The following TACC1 variants were observed in gnomAD, a reference collection of about 807,000 sequenced individuals.
TACC1 encodes the protein transforming acidic coiled-coil containing protein 1.
TACC1 carries 48 observed loss-of-function variants against 84.4 expected under a neutral mutation model. The ratio of observed to expected loss-of-function variants is 0.57; its 90% CI spans 0.45 to 0.72. The LOEUF (loss-of-function observed/expected upper bound fraction) is 0.72. Ranked by LOEUF, TACC1 falls within the 30% of genes least tolerant of loss-of-function variation. The pLI, the probability that TACC1 is intolerant of heterozygous loss-of-function variation, is 0.00. For synonymous variants in TACC1, 372 were observed against 376.3 expected, an observed-to-expected ratio of 0.99 and a Z score of 0.13; for missense variants, 920 against 973.0, an observed-to-expected ratio of 0.95 and a Z score of 0.72.
chr8:38,789,430 C>T (rs2151996781), intron 2 of TACC1, among the ~76,000 whole-genome samples: 1 of 152,312 alleles, frequency 6.6e-6, no homozygotes, highest in Non-Finnish European at 1.5e-5. Flanking sequence ...TTTCACCTAT[C>T]CCAACAGAAT....
chr8:38,771,562 A>G (rs1167701254), intron 3 of TACC1, among the ~76,000 whole-genome samples: 1 of 152,144 alleles, frequency 6.6e-6, no homozygotes, highest in Non-Finnish European at 1.5e-5. Flanking sequence ...TTTCTGTGTA[A>G]GAGAGTGAGG....
At chr8:38,842,249 G>T (rs2152323754) in intron 9 of TACC1, 38 bp from the exon 10 acceptor site, 3 of 1,589,900 alleles carry the variant, frequency 1.9e-6, no homozygotes, top group South Asian at 2.3e-5. Flanking sequence ...TCTATTTTTT[G>T]AATAAATATG....
chr8:38,767,379 T>C (rs56185955), intron 3 of TACC1, among the ~76,000 whole-genome samples: 3 of 152,358 alleles, frequency 2.0e-5, no homozygotes, highest in Non-Finnish European at 4.4e-5. Flanking sequence ...GCCATAGTAA[T>C]GGCACTTGGG....
At chr8:38,773,617 GCTAT>G (rs140168479) in intron 3 of TACC1, among the ~76,000 whole-genome samples, 3,137 of 150,288 alleles carry the variant, frequency 0.021, 78 homozygotes, top group African/African-American at 0.07. Context: ...TATCTATCTA[GCTAT>G]CTATCTGTTG....
chr8:38,772,079 C>G (rs1308011226), intron 3 of TACC1, among the ~76,000 whole-genome samples: 1 of 151,976 alleles, frequency 6.6e-6, no homozygotes, highest in Non-Finnish European at 1.5e-5. Flanking sequence ...GGCAAGCAGG[C>G]AATGCTTCAA....
intron 2 of TACC1, among the ~76,000 whole-genome samples, chr8:38,812,386 T>C (rs548193506): frequency 4.5e-4 from 68 of 152,146 alleles, no homozygotes; most frequent in Non-Finnish European, 7.8e-4. Flanking sequence ...ATATGTGATG[T>C]CACCCCCGGC....
chr8:38,820,416 G>GCCCCA lies in TACC1; in HGVS notation c.1173_1177dup (p.Ser393ThrfsTer45). 1 of 1,614,158 alleles carries GCCCCA rather than the reference G, an allele frequency of 6.2e-7. No individual in the cohort carries two copies. Among genetic ancestry groups the GCCCCA allele is most frequent in the Non-Finnish European group, 8.5e-7 (1 of 1,180,024 alleles). ...AAGCCAGATCCTAGTCAGTGGGAAAGCCCCAGCTTCAACCCCTTTGGGAGC... is the reference window on the plus strand; with the variant it reads ...AAGCCAGATCCTAGTCAGTGGGAAAGCCCCACCCCAGCTTCAACCCCTTTGGGAGC... On this transcript the variant is annotated frameshift_variant, in exon 3 of 13. Transcript: ENST00000317827. LOFTEE classifies it high-confidence loss of function.
At chr8:38,791,840 G>T (rs779602157) in intron 2 of TACC1, among the ~76,000 whole-genome samples, 1 of 152,140 alleles carries the variant, frequency 6.6e-6, no homozygotes, top group Non-Finnish European at 1.5e-5. Flanking sequence ...GCCCTCAAAC[G>T]TGTGGGCTAC....
intron 2 of TACC1, among the ~76,000 whole-genome samples, chr8:38,793,450 G>C (rs1819233629): frequency 6.6e-6 from 1 of 152,050 alleles, no homozygotes; most frequent in Admixed American, 6.6e-5. Flanking sequence ...CCAAATTTCA[G>C]GGCCCATCAA....
chr8:38,796,349 G>T (rs550834720), intron 2 of TACC1, among the ~76,000 whole-genome samples: 2 of 152,268 alleles, frequency 1.3e-5, no homozygotes, highest in East Asian at 1.9e-4. Context: ...CCTCTCTGTT[G>T]TTCACTATCT....
chr8:38,729,895 A>C (rs1804588316), intron 1 of TACC1, among the ~76,000 whole-genome samples: 1 of 151,934 alleles, frequency 6.6e-6, no homozygotes, highest in African/African-American at 2.4e-5. Context: ...AAAAGAAAAC[A>C]TCTTATGATC....
rs938406081 is a variant in TACC1, at chr8:38,749,686, G to A, written c.26+4193G>A. On this transcript the variant is annotated intron_variant, in intron 3 of 14. Transcript: ENST00000518415. ...AGCTCACTGTAACCTCTGCCTCCCA[G>A]GTTCAAGCGATTCTCCTGCCTCAGC... Among the ~76,000 whole-genome samples, 12 of 152,078 alleles carry A rather than the reference G, an allele frequency of 7.9e-5. 1 individual carries two copies. Among genetic ancestry groups the A allele is most frequent in the African/African-American group, 2.4e-5 (1 of 41,406 alleles).
intron 2 of TACC1, among the ~76,000 whole-genome samples, chr8:38,795,669 A>C (rs775349968): frequency 3.0e-4 from 46 of 152,210 alleles, no homozygotes; most frequent in Non-Finnish European, 2.2e-4. Context: ...TAGCGATGGG[A>C]GATAATGGTT....
intron 3 of TACC1, among the ~76,000 whole-genome samples, chr8:38,746,632 C>T (rs1808136321): frequency 6.6e-6 from 1 of 152,118 alleles, no homozygotes; most frequent in South Asian, 2.1e-4. Flanking sequence ...TTAAAATTTA[C>T]TCTTTCCTTT....
chr8:38,802,910 C>T (rs1821738758), intron 2 of TACC1, among the ~76,000 whole-genome samples: 1 of 152,204 alleles, frequency 6.6e-6, no homozygotes, highest in Non-Finnish European at 1.5e-5. Flanking sequence ...CCAGACACCT[C>T]CCACTAGGCC....
chr8:38,787,461 C>T lies in TACC1; in HGVS notation c.-122C>T. The T allele has an allele frequency of 7.2e-7, 1 of 1,389,484 alleles. No individual in the cohort carries two copies. The highest frequency in any genetic ancestry group is 9.3e-7 in the Non-Finnish European group (1 of 1,078,314). 86.1% of individuals were successfully genotyped at this position (1,389,484 alleles called of 1,614,324 possible). On this transcript the variant is annotated 5_prime_UTR_variant, in exon 1 of 13. Transcript: ENST00000317827. ...CCCGACGGCACTCGTTTAACCACAT[C>T]CGCGCCTCTGCTGGAAACGCTTGCT...
At chr8:38,762,480 T>C (rs1351827535) in intron 3 of TACC1, among the ~76,000 whole-genome samples, 7 of 152,208 alleles carry the variant, frequency 4.6e-5, no homozygotes, top group Non-Finnish European at 8.8e-5. Context: ...CAGTATTCCA[T>C]TGTGTATATA....
intron 2 of TACC1, among the ~76,000 whole-genome samples, chr8:38,818,270 A>G (rs2152190973): frequency 6.6e-6 from 1 of 152,288 alleles, no homozygotes; most frequent in East Asian, 1.9e-4. Context: ...ATGATATTCC[A>G]GTGGTACTTG....
intron 2 of TACC1, among the ~76,000 whole-genome samples, chr8:38,789,488 G>T (rs1033247448): frequency 9.9e-5 from 15 of 152,242 alleles, no homozygotes; most frequent in African/African-American, 3.4e-4. Context: ...CAGCAGTGAA[G>T]TCCTGCTCTC....
Sources: allele counts gnomAD v4.1 joint callset (sites outside exome capture counted in the v4.1 genomes callset), GRCh38; gene constraint gnomAD v4.1.1; transcripts MANE v1.5; gene names NCBI Gene and HGNC (gene_info 2026-07-23, HGNC 2026-07-21).